DDX6: variants seen among roughly 807,000 people sequenced by gnomAD.
DDX6 encodes the protein DEAD-box helicase 6, also known as probable ATP-dependent RNA helicase DDX6.
In DDX6, 7 loss-of-function variants were observed where a neutral mutation model predicts 60.6. That is an observed-to-expected ratio of 0.12 (90% CI 0.07 to 0.22). The LOEUF (loss-of-function observed/expected upper bound fraction) is 0.22, where lower values mean the gene tolerates loss of function less well. Ranked by LOEUF, DDX6 falls within the 10% of genes least tolerant of loss-of-function variation. DDX6 has a pLI of 1.00. For missense variants in DDX6, 270 were observed against 589.9 expected, an observed-to-expected ratio of 0.46 and a Z score of 5.62; for synonymous variants, 207 against 201.0, an observed-to-expected ratio of 1.03 and a Z score of -0.25.
At chr11:118,773,734 A>G (rs1861610559) in intron 4 of DDX6, among the ~76,000 whole-genome samples, 1 of 151,998 alleles carries the variant, frequency 6.6e-6, no homozygotes, top group Non-Finnish European at 1.5e-5. Flanking sequence ...CACACCTGTA[A>G]TCTCAACCCT....
At chr11:118,763,408 T>C in intron 6 of DDX6, 102 bp from the exon 7 acceptor site, 1 of 886,430 alleles carries the variant, frequency 1.1e-6, no homozygotes, top group South Asian at 1.4e-5. Flanking sequence ...ATGATAATTC[T>C]GAGAAATGCA....
At chr11:118,766,370 A>G (rs1861354453) in intron 5 of DDX6, among the ~76,000 whole-genome samples, 1 of 152,192 alleles carries the variant, frequency 6.6e-6, no homozygotes, top group East Asian at 1.9e-4. Context: ...GGAGATTAAG[A>G]CTGCATTAAG....
intron 4 of DDX6, among the ~76,000 whole-genome samples, chr11:118,768,959 C>G (rs184612656): frequency 9.8e-5 from 11 of 112,498 alleles, no homozygotes; most frequent in African/African-American, 3.6e-4. Context: ...CCACTGTACT[C>G]CAGCATGAAA....
chr11:118,751,541 C>T lies in DDX6; in HGVS notation c.*564G>A, dbSNP rs1435270844. On this transcript the variant is annotated 3_prime_UTR_variant, in exon 14 of 14. Coordinates refer to ENST00000534980, the MANE Select transcript of DDX6 (RefSeq NM_004397.6). ...TCAACCTGAAACCAAAATAAGAAGA[C>T]ATTTTTTAAAAGAAAAAGAAAAAAA... 1 of 152,454 alleles carries T rather than the reference C, an allele frequency of 6.6e-6. No homozygotes were observed. The highest frequency in any genetic ancestry group is 2.4e-5 in the African/African-American group (1 of 41,328). The allele number at this position is 152,454 out of a possible 1,614,324, so 9.4% of individuals were successfully genotyped here. A position where few individuals can be genotyped will look rare whatever the true frequency, so the allele number is the denominator to read the frequency against.
At chr11:118,780,094 GA>G (rs1394066317) in intron 3 of DDX6, among the ~76,000 whole-genome samples, 1 of 109,342 alleles carries the variant, frequency 9.1e-6, no homozygotes, top group Non-Finnish European at 1.7e-5. Flanking sequence ...AGCCTGGGGG[GA>G]CAGAGCCAGA....
At chr11:118,760,593 C>T (rs1343431937) in intron 7 of DDX6, among the ~76,000 whole-genome samples, 10 of 151,708 alleles carry the variant, frequency 6.6e-5, no homozygotes, top group Admixed American at 5.2e-4. Flanking sequence ...GAGGCCGAGG[C>T]GGGAGAATCA....
chr11:118,790,527 T>C (rs1862236184), intron 1 of DDX6, among the ~76,000 whole-genome samples: 1 of 152,062 alleles, frequency 6.6e-6, no homozygotes, highest in African/African-American at 2.4e-5. Flanking sequence ...CAATACAGCA[T>C]GTCCCTGCCG....
rs529897012 is a variant in DDX6 at position 118,777,897 on chromosome 11, G to GGA, written c.369+1734_369+1735insTC. On this transcript the variant is annotated intron_variant, in intron 4 of 13. Transcript: ENST00000534980. ...GAGCTAGACTCCATCTCAAAAAAGAGAAAAAAAAAAAAAAAAACCAAGAAA... is the reference window on the plus strand; with the variant it reads ...GAGCTAGACTCCATCTCAAAAAAGAGGAAAAAAAAAAAAAAAAAACCAAGAAA... Among the ~76,000 whole-genome samples the GGA allele has an allele frequency of 8.7e-4, 87 of 99,626 alleles. No homozygotes were observed. The East Asian group carries it at 0.023, about 27-fold the overall frequency. 65.4% of individuals were successfully genotyped at this position (99,626 alleles called of 152,430 possible). A position where few individuals can be genotyped will look rare whatever the true frequency, so the allele number is the denominator to read the frequency against.
At chr11:118,783,140 G>A (rs1861957722) in intron 2 of DDX6, among the ~76,000 whole-genome samples, 1 of 152,060 alleles carries the variant, frequency 6.6e-6, no homozygotes, top group Non-Finnish European at 1.5e-5. Flanking sequence ...TGAGACACTT[G>A]ATGGGATCTA....
chr11:118,779,953 GA>G (rs1429493730), intron 3 of DDX6, among the ~76,000 whole-genome samples: 1 of 151,306 alleles, frequency 6.6e-6, no homozygotes. Flanking sequence ...CCAACTCCAC[GA>G]AAAATACAAA....
At chr11:118,758,655 G>A (rs73001486) in intron 9 of DDX6, 119 bp downstream of exon 9, 303,821 of 1,260,134 alleles carry the variant, frequency 0.24, 37,999 homozygotes, top group South Asian at 0.33. Flanking sequence ...ATGAGCCACC[G>A]TGCCAAGCCA....
chr11:118,763,801 T>C (rs1236859535), intron 6 of DDX6, among the ~76,000 whole-genome samples: 1 of 144,740 alleles, frequency 6.9e-6, no homozygotes. Context: ...ACCACTGCAC[T>C]CTAGCCAGAG....
chr11:118,749,172 G>A lies in DDX6; in HGVS notation c.*2933C>T, dbSNP rs146893487. On this transcript the variant is annotated 3_prime_UTR_variant, in exon 14 of 14. Transcript: ENST00000534980. ...ACAGTCCATAGCCCATTACACAACTGTACAACCAAAGGCTAAATGATGAGT... is the reference window on the plus strand; with the variant it reads ...ACAGTCCATAGCCCATTACACAACTATACAACCAAAGGCTAAATGATGAGT... 1 of 151,934 alleles carries A rather than the reference G, an allele frequency of 6.6e-6. No individual in the cohort carries two copies. The highest frequency in any genetic ancestry group is 2.1e-4 in the South Asian group (1 of 4,818). 9.4% of individuals were successfully genotyped at this position (151,934 alleles called of 1,614,324 possible).
rs150243655 is a variant in DDX6 at position 118,781,519 on chromosome 11, TAA to T, written c.201-337_201-336del. ...ATTAGTTCTCAACATTTAAAAACTG[TAA>T]GATTTTATATATCTTATATAACTCC... On this transcript the variant is annotated intron_variant, in intron 2 of 13. Transcript: ENST00000534980. 2.4e-4 allele frequency among the ~76,000 whole-genome samples: 36 copies of T among 152,346 alleles called. No homozygotes were observed. The East Asian group carries it at 2.9e-3, about 12-fold the overall frequency.
At chr11:118,791,300 G>C (rs544694922), upstream of DDX6, 82 of 152,276 alleles carry the variant, frequency 5.4e-4, no homozygotes, top group African/African-American at 1.9e-3. Flanking sequence ...ATTCGCCGCG[G>C]CGTCACTGCC....
chr11:118,785,374 T>C lies in DDX6; in HGVS notation c.200+678A>G, dbSNP rs573269898. On this transcript the variant is annotated intron_variant, in intron 2 of 13. Transcript: ENST00000534980. Reference sequence around the variant, plus strand: ...GTAAAAGGAGGAAAAAAATTAAAAATTTTTTTTTTGGGTAGAGACAGAGTC... The same window carrying C: ...GTAAAAGGAGGAAAAAAATTAAAAACTTTTTTTTTGGGTAGAGACAGAGTC... Among the ~76,000 whole-genome samples the C allele has an allele frequency of 3.9e-4, 59 of 150,408 alleles. 1 individual carries two copies. In the South Asian group the frequency reaches 0.012, roughly 30 times the overall value.
Position 118,757,213 on chromosome 11 carries a change from T to G in DDX6, c.1068A>C (p.Gln356His). The change falls in exon 10 of 14, where the codon CAA (glutamine) becomes CAC (histidine). Residue 356 changes from glutamine to histidine, a missense_variant. Gln to His is a conservative substitution (Grantham distance 24, BLOSUM62 0). Coordinates refer to ENST00000534980, the MANE Select transcript of DDX6 (RefSeq NM_004397.6). The stretch of plus-strand genomic sequence containing the variant: ...GAATATAGAAGCAAGAATAACCCAG[T>G]TGAGAAATCTTCTTGGCTAGCAATT... ...RVELLAKKIS[Q>H]LGYSCFYIHA... 1 of 1,591,636 alleles carries G rather than the reference T, an allele frequency of 6.3e-7. No homozygotes were observed. The highest frequency in any genetic ancestry group is 8.5e-7 in the Non-Finnish European group (1 of 1,170,428).
chr11:118,777,760 A>C (rs1467477090), intron 4 of DDX6, among the ~76,000 whole-genome samples: 3 of 152,058 alleles, frequency 2.0e-5, no homozygotes, highest in Non-Finnish European at 4.4e-5. Context: ...GTGGTAGCAC[A>C]CATCTGTAAT....
chr11:118,756,189 A>T, intron 11 of DDX6, 71 bp downstream of exon 11: 3 of 1,223,760 alleles, frequency 2.5e-6, no homozygotes, highest in Non-Finnish European at 3.6e-6. Flanking sequence ...TGCACTATGT[A>T]ATATGAACAG....
Sources: allele counts gnomAD v4.1 joint callset (sites outside exome capture counted in the v4.1 genomes callset), GRCh38; gene constraint gnomAD v4.1.1; transcripts MANE v1.5; gene names NCBI Gene and HGNC (gene_info 2026-07-23, HGNC 2026-07-21).